Variants in NAALADL2 observed in about 807,000 individuals in gnomAD.
NAALADL2 encodes the protein inactive N-acetylated-alpha-linked acidic dipeptidase-like protein 2.
NAALADL2 carries 76 observed loss-of-function variants against 87.2 expected under a neutral mutation model. The ratio of observed to expected loss-of-function variants is 0.87; its 90% CI spans 0.72 to 1.05. NAALADL2 has a LOEUF of 1.05. Among genes scored for constraint, NAALADL2 ranks in the 50% least tolerant of loss-of-function variants. The pLI is 0.00. For synonymous variants in NAALADL2, 354 were observed against 331.0 expected, an observed-to-expected ratio of 1.07 and a Z score of -0.75; for missense variants, 1,089 against 945.8, an observed-to-expected ratio of 1.15 and a Z score of -1.99.
In NAALADL2 at chr3:175,212,595, C is replaced by T. The variant is rs146721056; in HGVS notation, c.546-21336C>T. Reference sequence around the variant, plus strand: ...TCTCCTCATCCCCTTTCCTCCTCCTCCATTTTTTCTTCCTTTCTTCCTCCT... The same window carrying T: ...TCTCCTCATCCCCTTTCCTCCTCCTTCATTTTTTCTTCCTTTCTTCCTCCT... On this transcript the variant is annotated intron_variant, in intron 2 of 13. Transcript: ENST00000454872. Among the ~76,000 whole-genome samples the T allele has an allele frequency of 9.0e-3, 1,365 of 151,890 alleles. 70 individuals are homozygous for T. The highest frequency in any genetic ancestry group is 0.073 in the Admixed American group (1,116 of 15,206).
At chr3:175,724,274 A>C (rs1399590197) in intron 11 of NAALADL2, among the ~76,000 whole-genome samples, 4 of 152,190 alleles carry the variant, frequency 2.6e-5, no homozygotes, top group Admixed American at 2.6e-4. Context: ...GAAGCAAGGA[A>C]CTATTAATAT....
At chr3:174,604,284 T>C in intron 2 of NAALADL2, among the ~76,000 whole-genome samples, 1 of 152,204 alleles carries the variant, frequency 6.6e-6, no homozygotes, top group South Asian at 2.1e-4. Flanking sequence ...TGTTATATCA[T>C]CTTGCTGAAT....
intron 1 of NAALADL2, among the ~76,000 whole-genome samples, chr3:174,985,590 A>G (rs936575830): frequency 2.0e-5 from 3 of 152,150 alleles, no homozygotes; most frequent in African/African-American, 7.2e-5. Context: ...TGCCATAATA[A>G]AAGCAGAAGG....
Position 175,182,550 on chromosome 3 carries a change from G to GTTTTTTTTTT in NAALADL2, c.546-51362_546-51353dup, listed in dbSNP as rs1161831796. On this transcript the variant is annotated intron_variant, in intron 2 of 13. Transcript: ENST00000454872. Reference sequence around the variant, plus strand: ...CTATAAGTCCATGACACCACAGCCAGTTTTTTTTTTTTTTTTTTTTTTTTT... The same window carrying GTTTTTTTTTT: ...CTATAAGTCCATGACACCACAGCCAGTTTTTTTTTTTTTTTTTTTTTTTTTTTTTTTTTTT... 1.0e-3 allele frequency among the ~76,000 whole-genome samples: 71 copies of GTTTTTTTTTT among 69,476 alleles called. 7 individuals are homozygous for GTTTTTTTTTT. The highest frequency in any genetic ancestry group is 3.2e-3 in the African/African-American group (54 of 16,734). 45.6% of individuals were successfully genotyped at this position (69,476 alleles called of 152,430 possible). A position where few individuals can be genotyped will look rare whatever the true frequency, so the allele number is the denominator to read the frequency against.
intron 2 of NAALADL2, among the ~76,000 whole-genome samples, chr3:174,663,690 T>A (rs1228957953): frequency 6.6e-6 from 1 of 152,122 alleles, no homozygotes; most frequent in Non-Finnish European, 1.5e-5. Flanking sequence ...ATCTTTAGCA[T>A]TGGGGATCAA....
intron 11 of NAALADL2, among the ~76,000 whole-genome samples, chr3:175,725,472 G>A (rs947295447): frequency 2.0e-5 from 3 of 152,034 alleles, no homozygotes; most frequent in Admixed American, 6.6e-5. Flanking sequence ...ATTAGCATTG[G>A]AATGTATCAA....
At chr3:175,167,693 G>A (rs7635527) in intron 2 of NAALADL2, among the ~76,000 whole-genome samples, 3,460 of 152,008 alleles carry the variant, frequency 0.023, 129 homozygotes, top group African/African-American at 0.079. Flanking sequence ...TTGAATATAC[G>A]TTCTTAAACC....
chr3:175,018,528 G>A (rs1458204171), intron 1 of NAALADL2, among the ~76,000 whole-genome samples: 2 of 151,990 alleles, frequency 1.3e-5, no homozygotes, highest in East Asian at 3.9e-4. Flanking sequence ...TAAACAGATG[G>A]GAAATACTTG....
At chr3:174,903,573 G>A (rs1426539861) in intron 1 of NAALADL2, among the ~76,000 whole-genome samples, 3 of 151,962 alleles carry the variant, frequency 2.0e-5, no homozygotes, top group South Asian at 4.2e-4. Flanking sequence ...CTATCTTTTA[G>A]TAGTAGTATT....
chr3:175,027,598 C>T (rs1375022666), intron 1 of NAALADL2, among the ~76,000 whole-genome samples: 1 of 152,082 alleles, frequency 6.6e-6, no homozygotes, highest in African/African-American at 2.4e-5. Flanking sequence ...ATTCAATCAG[C>T]TCTTCCCCGA....
chr3:175,457,032 CTA>C (rs1332406648), intron 6 of NAALADL2, among the ~76,000 whole-genome samples: 1 of 152,010 alleles, frequency 6.6e-6, no homozygotes, highest in Non-Finnish European at 1.5e-5. Flanking sequence ...CAGAGTGAGA[CTA>C]TGTTTTTCCT....
At chr3:175,159,759 A>G (rs1463397190) in intron 2 of NAALADL2, among the ~76,000 whole-genome samples, 1 of 152,008 alleles carries the variant, frequency 6.6e-6, no homozygotes, top group Non-Finnish European at 1.5e-5. Context: ...TAAAAGATGT[A>G]GCAAATGATT....
intron 5 of NAALADL2, among the ~76,000 whole-genome samples, chr3:175,368,100 T>G (rs539997815): frequency 0.014 from 2,172 of 152,260 alleles, 53 homozygotes; most frequent in African/African-American, 0.051. Context: ...CTTTTCTGCA[T>G]CTATTGAGAT....
At chr3:174,581,169 A>G (rs16862075) in intron 2 of NAALADL2, among the ~76,000 whole-genome samples, 25,603 of 152,136 alleles carry the variant, frequency 0.17, 2,279 homozygotes, top group Non-Finnish European at 0.19. Context: ...CAATCATTAC[A>G]CTGTTTTTGA....
intron 11 of NAALADL2, among the ~76,000 whole-genome samples, chr3:175,667,235 GAAAGAA>G (rs768154077): frequency 0.027 from 3,038 of 112,442 alleles, 112 homozygotes; most frequent in African/African-American, 0.098. Context: ...AAGAAAGAAA[GAAAGAA>G]AAAGAAAGAA....
At chr3:174,644,842 T>A (rs1302627475) in intron 2 of NAALADL2, among the ~76,000 whole-genome samples, 1 of 152,256 alleles carries the variant, frequency 6.6e-6, no homozygotes, top group Non-Finnish European at 1.5e-5. Context: ...ACATCATTTG[T>A]AAATTCCATA....
At chr3:175,034,750 G>C (rs116570618) in intron 1 of NAALADL2, among the ~76,000 whole-genome samples, 1,740 of 152,214 alleles carry the variant, frequency 0.011, 12 homozygotes, top group Non-Finnish European at 0.017. Context: ...TTCCGTGCCT[G>C]AGTTACTCAT....
intron 1 of NAALADL2, among the ~76,000 whole-genome samples, chr3:174,913,871 G>A (rs886964957): frequency 2.0e-5 from 3 of 151,856 alleles, no homozygotes; most frequent in African/African-American, 7.3e-5. Flanking sequence ...AATATAATTA[G>A]AAAATGTTAG....
At chr3:174,468,389 T>TC (rs1172371348) in intron 1 of NAALADL2, among the ~76,000 whole-genome samples, 4 of 149,556 alleles carry the variant, frequency 2.7e-5, no homozygotes, top group South Asian at 4.3e-4. Flanking sequence ...TTTTTCTTTT[T>TC]TTTTTTTTTT....
Sources: gnomAD v4.1 joint callset for allele counts (sites outside exome capture counted in the v4.1 genomes callset) on GRCh38, gnomAD v4.1.1 for gene constraint, MANE v1.5 for transcripts, NCBI Gene and HGNC (gene_info 2026-07-23, HGNC 2026-07-21) for gene names.